The following OR2J1 variants were observed in gnomAD, a reference collection of about 807,000 sequenced individuals.
OR2J1 encodes the protein olfactory receptor family 2 subfamily J member 1, also known as olfactory receptor 2J1.
Under a neutral mutation model 10.2 loss-of-function variants are expected in OR2J1, and 10 were observed. The ratio of observed to expected loss-of-function variants is 0.98; its 90% CI spans 0.60 to 1.66. The LOEUF (loss-of-function observed/expected upper bound fraction) is 1.66, where lower values mean the gene tolerates loss of function less well. Among genes scored for constraint, OR2J1 ranks in the 40% most tolerant of loss-of-function variants. The probability of loss-of-function intolerance (pLI) is 0.00; values close to 1 mark genes in which losing one functional copy is unlikely to be tolerated. For missense variants in OR2J1, 317 were observed against 379.4 expected, an observed-to-expected ratio of 0.84 and a Z score of 1.37; for synonymous variants, 143 against 138.8, an observed-to-expected ratio of 1.03 and a Z score of -0.21.
Position 29,101,293 on chromosome 6 carries a change from G to A in OR2J1, c.351G>A (p.Val117=), listed in dbSNP as rs1325802389. 7 of 1,601,844 alleles carry A rather than the reference G, an allele frequency of 4.4e-6. No individual in the cohort carries two copies. The East Asian group carries it at 1.3e-4, about 31-fold the overall frequency. ...GAACCGCAGAGTGTGTCCTACTGGT[G>A]GTGATGTCCTATGATCGTTATGCAG... ...ALGTAECVLL[V]VMSYDRYAAV... The change falls in exon 2 of 2, where the codon GTG becomes GTA. Residue 117 remains valine (V), a synonymous_variant. Transcript: ENST00000641659.
chr6:29,101,501 C>T lies in OR2J1; in HGVS notation c.559C>T (p.Arg187Ter), dbSNP rs768986758. 18 of 1,519,934 alleles carry T rather than the reference C, an allele frequency of 1.2e-5. No individual in the cohort carries two copies. The highest frequency in any genetic ancestry group is 1.6e-5 in the Non-Finnish European group (17 of 1,093,310). The allele number at this position is 1,519,934 out of a possible 1,614,324, so 94.2% of individuals were successfully genotyped here. The change falls in exon 2 of 2, where the codon CGA (arginine) becomes TGA (stop). Residue 187 changes from arginine to a stop codon, truncating the protein, a stop_gained. Coordinates refer to ENST00000641659, the MANE Select transcript of OR2J1 (RefSeq NM_001348294.2). LOFTEE classifies it high-confidence loss of function. ...HFFCEVPALL[R>*]LSCVDTQANE... The stretch of plus-strand genomic sequence containing the variant: ...CTTCTGTGAAGTTCCAGCACTTCTG[C>T]GATTATCATGTGTTGATACCCAGGC...
At position 29,101,227 on chromosome 6, in the gene OR2J1, T is replaced by C. The variant is rs773847377; in HGVS notation, c.285T>C (p.Tyr95=). The change falls in exon 2 of 2, where the codon TAT becomes TAC. Residue 95 remains tyrosine (Y), a synonymous_variant. Coordinates refer to ENST00000641659, the MANE Select transcript of OR2J1 (RefSeq NM_001348294.2). ...NLWGPEKTIS[Y]AGCTVQLYFV... Reference sequence around the variant, plus strand: ...GGGGCCCGGAAAAGACCATCTCTTATGCTGGTTGTACGGTTCAACTTTACT... The same window carrying C: ...GGGGCCCGGAAAAGACCATCTCTTACGCTGGTTGTACGGTTCAACTTTACT... The C allele has an allele frequency of 4.8e-5, 76 of 1,598,072 alleles. No individual in the cohort carries two copies. The African/African-American group carries it at 8.0e-4, about 17-fold the overall frequency.
At chr6:29,099,993 T>C (rs1192391934) in intron 1 of OR2J1, 135 bp downstream of exon 1, 2 of 59,138 alleles carry the variant, frequency 3.4e-5, no homozygotes, top group African/African-American at 9.7e-5. Context: ...AACCCAGAAA[T>C]ACAAGTTGTG....
chr6:29,101,062 G>T lies in OR2J1; in HGVS notation c.120G>T (p.Leu40=). The T allele has an allele frequency of 6.5e-7, 1 of 1,528,752 alleles. No individual in the cohort carries two copies. Among genetic ancestry groups the T allele is most frequent in the African/African-American group, 1.4e-5 (1 of 73,248 alleles). The allele number at this position is 1,528,752 out of a possible 1,614,324, so 94.7% of individuals were successfully genotyped here. A position where few individuals can be genotyped will look rare whatever the true frequency, so the allele number is the denominator to read the frequency against. ...VVILIFYLIT[L]IGNLFIIILS... is the part of the protein sequence containing the mutation. ...TCTTGATCTTCTACTTGATAACACTGATAGGAAACCTGTTCATCATCATCC... is the reference window on the plus strand; with the variant it reads ...TCTTGATCTTCTACTTGATAACACTTATAGGAAACCTGTTCATCATCATCC... Residue 40 remains leucine, a synonymous_variant, in exon 2 of 2, where the codon CTG becomes CTT. Coordinates refer to ENST00000641659, the MANE Select transcript of OR2J1 (RefSeq NM_001348294.2).
In OR2J1 at chr6:29,099,771, A is replaced by C. The variant is rs1195493596; in HGVS notation, c.-271A>C. 2.6e-5 allele frequency: 4 copies of C among 152,206 alleles called. No homozygotes were observed. The highest frequency in any genetic ancestry group is 9.7e-5 in the African/African-American group (4 of 41,438). The allele number at this position is 152,206 out of a possible 1,614,324, so 9.4% of individuals were successfully genotyped here. A position where few individuals can be genotyped will look rare whatever the true frequency, so the allele number is the denominator to read the frequency against. ...CAACGTTCCTAGCTCTCCAGCTGTAACTCAACTAATTAGGCAAACCCTTAC... is the reference window on the plus strand; with the variant it reads ...CAACGTTCCTAGCTCTCCAGCTGTACCTCAACTAATTAGGCAAACCCTTAC... On this transcript the variant is annotated 5_prime_UTR_variant, in exon 1 of 2. Coordinates refer to ENST00000641659, the MANE Select transcript of OR2J1 (RefSeq NM_001348294.2).
At position 29,101,440 on chromosome 6, in the gene OR2J1, G is replaced by A. The variant is rs1225202078; in HGVS notation, c.498G>A (p.Trp166Ter). 2 of 1,510,660 alleles carry A rather than the reference G, an allele frequency of 1.3e-6. No individual in the cohort carries two copies. The highest frequency in any genetic ancestry group is 1.4e-5 in the African/African-American group (1 of 73,528). The allele number at this position is 1,510,660 out of a possible 1,614,324, so 93.6% of individuals were successfully genotyped here. ...CACTTCATTCCTCCTTTACTTTCTG[G>A]ATACCCCTATGTAGACATCGCCTAG... ...TSALHSSFTF[W>*]IPLCRHRLVD... The change falls in exon 2 of 2, where the codon TGG (tryptophan) becomes TGA (stop). Residue 166 changes from tryptophan (W) to a stop codon, truncating the protein, a stop_gained. Coordinates refer to ENST00000641659, the MANE Select transcript of OR2J1 (RefSeq NM_001348294.2). LOFTEE classifies it high-confidence loss of function.
rs975394973 is a variant in OR2J1 at position 29,101,060 on chromosome 6, C to T, written c.118C>T (p.Leu40=). 6.5e-7 allele frequency: 1 copy of T among 1,527,018 alleles called. No homozygotes were observed. The highest frequency in any genetic ancestry group is 1.4e-5 in the African/African-American group (1 of 73,096). 94.6% of individuals were successfully genotyped at this position (1,527,018 alleles called of 1,614,324 possible). The part of the protein sequence containing the change: ...VVILIFYLIT[L]IGNLFIIILS... ...TATCTTGATCTTCTACTTGATAACA[C>T]TGATAGGAAACCTGTTCATCATCAT... is the stretch of plus-strand genomic sequence containing the variant. The change falls in exon 2 of 2, where the codon CTG becomes TTG. Residue 40 remains leucine, a synonymous_variant. Coordinates refer to ENST00000641659, the MANE Select transcript of OR2J1 (RefSeq NM_001348294.2).
In OR2J1 at chr6:29,099,642, A is replaced by G. The variant is rs558123503; in HGVS notation, c.-400A>G. On this transcript the variant is annotated 5_prime_UTR_variant, in exon 1 of 2. The change abolishes an upstream ATG in the 5' untranslated region. Coordinates refer to ENST00000641659, the MANE Select transcript of OR2J1 (RefSeq NM_001348294.2). ...TTAAAAAAATTCTTGCAATTTTTCC[A>G]TGATTTCTCAAAAGGTAATGATCAT... 6.6e-6 allele frequency: 1 copy of G among 152,324 alleles called. No homozygotes were observed. Among genetic ancestry groups the G allele is most frequent in the South Asian group, 2.1e-4 (1 of 4,826 alleles). The allele number at this position is 152,324 out of a possible 1,614,324, so 9.4% of individuals were successfully genotyped here.
chr6:29,100,192 C>T (rs1349664508), intron 1 of OR2J1, among the ~76,000 whole-genome samples: 1 of 152,134 alleles, frequency 6.6e-6, no homozygotes, highest in Non-Finnish European at 1.5e-5. Context: ...CTTACACCTC[C>T]CGGTGTTTTT....
In OR2J1 at chr6:29,102,090, A is replaced by G. The variant is rs1181332347; in HGVS notation, c.*209A>G. 2.2e-6 allele frequency: 1 copy of G among 455,020 alleles called. No homozygotes were observed. The highest frequency in any genetic ancestry group is 3.8e-6 in the Non-Finnish European group (1 of 260,138). The allele number at this position is 455,020 out of a possible 1,614,324, so 28.2% of individuals were successfully genotyped here. A position where few individuals can be genotyped will look rare whatever the true frequency, so the allele number is the denominator to read the frequency against. On this transcript the variant is annotated 3_prime_UTR_variant, in exon 2 of 2. Coordinates refer to ENST00000641659, the MANE Select transcript of OR2J1 (RefSeq NM_001348294.2). ...ATTAGTACCATTTTGTTCTTTTACA[A>G]TTCTATATTTATTTCCATGAAAATT...
chr6:29,101,628 T>G lies in OR2J1; in HGVS notation c.686T>G (p.Met229Arg). Reference sequence around the variant, plus strand: ...GCCATTGCCCGGGCTGTACTGAGCATGCAATCAACCACTGGGCTTCAGAAA... The same window carrying G: ...GCCATTGCCCGGGCTGTACTGAGCAGGCAATCAACCACTGGGCTTCAGAAA... ...YGAIARAVLSMQSTTGLQKVL... is the reference protein window; with the variant it reads ...YGAIARAVLSRQSTTGLQKVL... Residue 229 changes from methionine to arginine, a missense_variant, in exon 2 of 2, where the codon ATG (methionine) becomes AGG (arginine). Coordinates refer to ENST00000641659, the MANE Select transcript of OR2J1 (RefSeq NM_001348294.2). The G allele has an allele frequency of 6.2e-7, 1 of 1,612,686 alleles. No homozygotes were observed. The highest frequency in any genetic ancestry group is 8.5e-7 in the Non-Finnish European group (1 of 1,178,652).
intron 1 of OR2J1, among the ~76,000 whole-genome samples, 194 bp downstream of exon 1, chr6:29,100,052 T>C (rs1370628873): frequency 6.6e-6 from 1 of 152,188 alleles, no homozygotes; most frequent in Non-Finnish European, 1.5e-5. Context: ...GCATATAAAA[T>C]TTTTTAGAAA....
chr6:29,100,740 G>C lies in OR2J1; in HGVS notation c.-183-20G>C. On this transcript the variant is annotated intron_variant, in intron 1 of 1. Transcript: ENST00000641659. ...ATAAAAGAACTCAGTAACTTGAAAA[G>C]CTATTACTTGTATCCACAGCTGGAC... is the stretch of plus-strand genomic sequence containing the variant. The C allele has an allele frequency of 2.0e-6, 1 of 503,606 alleles. No homozygotes were observed. Among genetic ancestry groups the C allele is most frequent in the Non-Finnish European group, 3.5e-6 (1 of 287,176 alleles). 31.2% of individuals were successfully genotyped at this position (503,606 alleles called of 1,614,324 possible). A position where few individuals can be genotyped will look rare whatever the true frequency, so the allele number is the denominator to read the frequency against.
At chr6:29,100,738 A>G in intron 1 of OR2J1, 22 bp from the exon 2 acceptor site, 1 of 482,112 alleles carries the variant, frequency 2.1e-6, no homozygotes. Context: ...GTAACTTGAA[A>G]AGCTATTACT....
In OR2J1 at chr6:29,102,031, A is replaced by G. The variant is rs1761666506; in HGVS notation, c.*150A>G. The G allele has an allele frequency of 1.6e-5, 9 of 556,028 alleles. No individual in the cohort carries two copies. In the South Asian group the frequency reaches 2.2e-4, roughly 13 times the overall value. 34.4% of individuals were successfully genotyped at this position (556,028 alleles called of 1,614,324 possible). A position where few individuals can be genotyped will look rare whatever the true frequency, so the allele number is the denominator to read the frequency against. Reference sequence around the variant, plus strand: ...CCATTTGTTGCTCTGTTTAATATTTAGTTCTGAAATATTATGTTGAGATAA... The same window carrying G: ...CCATTTGTTGCTCTGTTTAATATTTGGTTCTGAAATATTATGTTGAGATAA... On this transcript the variant is annotated 3_prime_UTR_variant, in exon 2 of 2. Coordinates refer to ENST00000641659, the MANE Select transcript of OR2J1 (RefSeq NM_001348294.2).
Position 29,101,054 on chromosome 6 carries a change from A to G in OR2J1, c.112A>G (p.Ile38Val). 5 of 1,524,426 alleles carry G rather than the reference A, an allele frequency of 3.3e-6. No homozygotes were observed. Among genetic ancestry groups the G allele is most frequent in the Non-Finnish European group, 4.6e-6 (5 of 1,098,456 alleles). The allele number at this position is 1,524,426 out of a possible 1,614,324, so 94.4% of individuals were successfully genotyped here. ...TGTGGTTATCTTGATCTTCTACTTG[A>G]TAACACTGATAGGAAACCTGTTCAT... ...LFVVILIFYL[I>V]TLIGNLFIII... is the part of the protein sequence containing the mutation. The change falls in exon 2 of 2, where the codon ATA (isoleucine) becomes GTA (valine). Residue 38 changes from isoleucine (I) to valine (V), a missense_variant. Physicochemically the swap from Ile to Val is conservative, Grantham distance 29. Transcript: ENST00000641659.
chr6:29,101,440 G>T lies in OR2J1; in HGVS notation c.498G>T (p.Trp166Cys). The T allele has an allele frequency of 6.6e-7, 1 of 1,510,660 alleles. No homozygotes were observed. The allele number at this position is 1,510,660 out of a possible 1,614,324, so 93.6% of individuals were successfully genotyped here. ...TSALHSSFTFWIPLCRHRLVD... is the reference protein window; with the variant it reads ...TSALHSSFTFCIPLCRHRLVD... Reference sequence around the variant, plus strand: ...CACTTCATTCCTCCTTTACTTTCTGGATACCCCTATGTAGACATCGCCTAG... The same window carrying T: ...CACTTCATTCCTCCTTTACTTTCTGTATACCCCTATGTAGACATCGCCTAG... The change falls in exon 2 of 2, where the codon TGG becomes TGT. Residue 166 changes from tryptophan (W) to cysteine (C), a missense_variant. Trp to Cys is a radical substitution (Grantham distance 215, BLOSUM62 -2). Coordinates refer to ENST00000641659, the MANE Select transcript of OR2J1 (RefSeq NM_001348294.2).
At position 29,100,845 on chromosome 6, in the gene OR2J1, T is replaced by A. The variant is rs6905729; in HGVS notation, c.-98T>A. The A allele has an allele frequency of 0.2, 126,321 of 646,056 alleles. 15,070 individuals carry two copies. The highest frequency in any genetic ancestry group is 0.45 in the African/African-American group (24,747 of 54,670). The allele number at this position is 646,056 out of a possible 1,614,324, so 40.0% of individuals were successfully genotyped here. A position where few individuals can be genotyped will look rare whatever the true frequency, so the allele number is the denominator to read the frequency against. On this transcript the variant is annotated 5_prime_UTR_variant, in exon 2 of 2. Transcript: ENST00000641659. ...TGGTGCACACTATCTGGAATTGGGA[T>A]ACTTTTTTCTCCAATCTGTTTGCAA... is the stretch of plus-strand genomic sequence containing the variant.
intron 1 of OR2J1, 51 bp downstream of exon 1, chr6:29,099,909 A>T (rs1316466013): frequency 6.6e-6 from 1 of 152,196 alleles, no homozygotes; most frequent in African/African-American, 2.4e-5. Flanking sequence ...ATCAGAGAGT[A>T]TGAGAGGAAG....
Sources: allele counts gnomAD v4.1 joint callset (sites outside exome capture counted in the v4.1 genomes callset), GRCh38; gene constraint gnomAD v4.1.1; transcripts MANE v1.5; gene names NCBI Gene and HGNC (gene_info 2026-07-23, HGNC 2026-07-21).